Variants in PSTPIP1 observed in about 807,000 individuals in gnomAD.
PSTPIP1 encodes the protein proline-serine-threonine phosphatase interacting protein 1, also known as proline-serine-threonine phosphatase-interacting protein 1.
A neutral mutation model predicts 69.6 loss-of-function variants in PSTPIP1; 66 were observed. That is an observed-to-expected ratio of 0.95 (90% CI 0.78 to 1.16). PSTPIP1 has a LOEUF of 1.16. Among genes scored for constraint, PSTPIP1 ranks in the 50% most tolerant of loss-of-function variants. PSTPIP1 has a pLI of 0.00. For missense variants in PSTPIP1, 603 were observed against 557.4 expected (o/e 1.08, Z -0.82); for synonymous variants, 266 against 222.7 (o/e 1.19, Z -1.73).
intron 1 of PSTPIP1, 29 bp downstream of exon 1, chr15:76,995,638 C>A: frequency 6.2e-7 from 1 of 1,612,740 alleles, no homozygotes; most frequent in African/African-American, 1.3e-5. Context: ...GGGCACTGAA[C>A]AAGTGGAGGG....
intron 12 of PSTPIP1, among the ~76,000 whole-genome samples, chr15:77,033,323 C>A (rs578125746): frequency 6.6e-6 from 1 of 152,272 alleles, no homozygotes; most frequent in East Asian, 1.9e-4. Flanking sequence ...GGAGAATTCT[C>A]CAGGCTTTTC....
intron 8 of PSTPIP1, among the ~76,000 whole-genome samples, chr15:77,029,929 A>G (rs2076375636): frequency 6.6e-6 from 1 of 152,128 alleles, no homozygotes; most frequent in Non-Finnish European, 1.5e-5. Flanking sequence ...TTGTGCACAT[A>G]GCCTTCTCTG....
At chr15:77,035,436 C>CT (rs1203005015) in intron 12 of PSTPIP1, 72 bp from the exon 13 acceptor site, 4 of 1,479,230 alleles carry the variant, frequency 2.7e-6, no homozygotes, top group East Asian at 2.5e-5. Flanking sequence ...CTCTCCCTGT[C>CT]TAAACCCTCC....
chr15:77,015,371 C>T (rs1488521903), intron 1 of PSTPIP1, among the ~76,000 whole-genome samples: 1 of 152,074 alleles, frequency 6.6e-6, no homozygotes, highest in African/African-American at 2.4e-5. Context: ...GGCCTCCTGT[C>T]CCCATCTTCG....
At chr15:77,032,616 G>A (rs1288587560) in intron 11 of PSTPIP1, 1 of 625,076 alleles carries the variant, frequency 1.6e-6, no homozygotes, top group Admixed American at 2.9e-5. Context: ...GGTGGGGATG[G>A]GGATTGAGGT....
At chr15:76,996,542 C>T (rs2075584396) in intron 1 of PSTPIP1, among the ~76,000 whole-genome samples, 1 of 152,222 alleles carries the variant, frequency 6.6e-6, no homozygotes, top group Admixed American at 6.5e-5. Flanking sequence ...CCCCAGCCAA[C>T]AGCCCTGCCC....
At chr15:77,004,183 G>A (rs531570939) in intron 1 of PSTPIP1, among the ~76,000 whole-genome samples, 5 of 152,334 alleles carry the variant, frequency 3.3e-5, no homozygotes, top group South Asian at 4.1e-4. Flanking sequence ...GATCGGACTG[G>A]GCTGGGCCTG....
intron 1 of PSTPIP1, among the ~76,000 whole-genome samples, chr15:77,014,697 C>T (rs916640441): frequency 6.6e-6 from 1 of 152,170 alleles, no homozygotes; most frequent in Non-Finnish European, 1.5e-5. Flanking sequence ...CCACTCAAGC[C>T]GTGGGGGTGT....
intron 10 of PSTPIP1, 49 bp from the exon 11 acceptor site, chr15:77,032,249 A>AGGGGCAGAGTGGGCATCGG: frequency 6.4e-7 from 1 of 1,570,668 alleles, no homozygotes; most frequent in Non-Finnish European, 8.7e-7. Flanking sequence ...AGGCCCACAG[A>AGGGGCAGAGTGGGCATCGG]GGGGCAGAGT....
In PSTPIP1 at chr15:77,035,557, TCTG is replaced by T. The variant is rs2076540784; in HGVS notation, c.983_985del (p.Ala329del). The stretch of plus-strand genomic sequence containing the variant: ...TCCCAAGACCACTTCGTTGGCAGCT[TCTG>T]CTGGTAAAGGGGGTCAGGAGGGGAC... On this transcript the variant is annotated inframe_deletion, in exon 13 of 15. Transcript: ENST00000558012. 1 of 1,583,006 alleles carries T rather than the reference TCTG, an allele frequency of 6.3e-7. No individual in the cohort carries two copies. Among genetic ancestry groups the T allele is most frequent in the Non-Finnish European group, 8.6e-7 (1 of 1,165,036 alleles).
Position 77,000,656 on chromosome 15 carries a change from C to G in PSTPIP1, c.36+5047C>G, listed in dbSNP as rs77923689. Among the ~76,000 whole-genome samples, 1,080 of 152,226 alleles carry G rather than the reference C, an allele frequency of 7.1e-3. 18 individuals carry two copies. The highest frequency in any genetic ancestry group is 0.025 in the African/African-American group (1,038 of 41,518). On this transcript the variant is annotated intron_variant, in intron 1 of 14. Coordinates refer to ENST00000558012, the MANE Select transcript of PSTPIP1 (RefSeq NM_003978.5). ...GCTGTGTTTGCATAAGATTGCCTTA[C>G]ATAGGTGCAAGCATATTGTGTACAT...
At chr15:77,025,705 G>A in intron 5 of PSTPIP1, 101 bp downstream of exon 5, 2 of 912,942 alleles carry the variant, frequency 2.2e-6, no homozygotes, top group Non-Finnish European at 3.3e-6. Flanking sequence ...CCAGTGGAGG[G>A]CGGCAGGGGT....
At chr15:77,014,700 G>C (rs557416491) in intron 1 of PSTPIP1, among the ~76,000 whole-genome samples, 1 of 152,328 alleles carries the variant, frequency 6.6e-6, no homozygotes, top group African/African-American at 2.4e-5. Context: ...CTCAAGCCGT[G>C]GGGGTGTGGA....
chr15:77,034,406 C>T (rs1596135157), intron 12 of PSTPIP1, among the ~76,000 whole-genome samples: 1 of 152,016 alleles, frequency 6.6e-6, no homozygotes, highest in African/African-American at 2.4e-5. Flanking sequence ...CATGTGTGTG[C>T]ACTCCTGGGG....
chr15:77,024,715 G>A (rs1329723093), intron 3 of PSTPIP1, among the ~76,000 whole-genome samples: 2 of 142,262 alleles, frequency 1.4e-5, no homozygotes, highest in African/African-American at 5.3e-5. Context: ...CCTATGCGCA[G>A]TGCTGGGCCC....
intron 6 of PSTPIP1, 101 bp downstream of exon 6, chr15:77,028,015 G>A (rs1403848659): frequency 2.7e-6 from 3 of 1,120,178 alleles, no homozygotes; most frequent in Non-Finnish European, 3.9e-6. Context: ...TTTGGAACAG[G>A]CTGACCTCAG....
intron 1 of PSTPIP1, among the ~76,000 whole-genome samples, chr15:77,001,466 G>T (rs1415650395): frequency 6.6e-6 from 1 of 152,234 alleles, no homozygotes; most frequent in Non-Finnish European, 1.5e-5. Context: ...GGAAGGCCTT[G>T]CAGCCCAGCA....
Position 77,031,181 on chromosome 15 carries a change from C to T in PSTPIP1, c.644C>T (p.Ala215Val). The T allele has an allele frequency of 1.2e-6, 2 of 1,612,324 alleles. No homozygotes were observed. The highest frequency in any genetic ancestry group is 1.3e-5 in the African/African-American group (1 of 75,056). ...WEQEHRTTCE[A>V]FQLQEFDRLT... Reference sequence around the variant, plus strand: ...TCACCTCCCTCCCACTGCCCCCAGGCCTTTCAGCTGCAAGAGTTTGACCGG... The same window carrying T: ...TCACCTCCCTCCCACTGCCCCCAGGTCTTTCAGCTGCAAGAGTTTGACCGG... Residue 215 changes from alanine to valine, a missense_variant and splice_region_variant, in exon 10 of 15, where the codon GCC becomes GTC. Transcript: ENST00000558012.
chr15:77,032,211 G>A lies in PSTPIP1; in HGVS notation c.742-87G>A, dbSNP rs557184216. On this transcript the variant is annotated intron_variant, in intron 10 of 14. Coordinates refer to ENST00000558012, the MANE Select transcript of PSTPIP1 (RefSeq NM_003978.5). ...GCGCACAATGGCCTGTGAGGAGGCCGGTGGGTGGGGGCCGCTGGTCAGAGT... is the reference window on the plus strand; with the variant it reads ...GCGCACAATGGCCTGTGAGGAGGCCAGTGGGTGGGGGCCGCTGGTCAGAGT... The A allele has an allele frequency of 1.5e-4, 210 of 1,365,328 alleles. No individual in the cohort carries two copies. The African/African-American group carries it at 1.9e-3, about 12-fold the overall frequency. 84.6% of individuals were successfully genotyped at this position (1,365,328 alleles called of 1,614,324 possible).
Sources: allele counts gnomAD v4.1 joint callset (sites outside exome capture counted in the v4.1 genomes callset), GRCh38; gene constraint gnomAD v4.1.1; transcripts MANE v1.5; gene names NCBI Gene and HGNC (gene_info 2026-07-23, HGNC 2026-07-21).